Variants in SMC1B observed in about 807,000 individuals in gnomAD.
The protein encoded by SMC1B is structural maintenance of chromosomes 1B.
Under a neutral mutation model 157.9 loss-of-function variants are expected in SMC1B, and 60 were observed. The ratio of observed to expected loss-of-function variants is 0.38; its 90% CI spans 0.31 to 0.47. SMC1B has a LOEUF of 0.47. Among genes scored for constraint, SMC1B ranks in the 20% least tolerant of loss-of-function variants. The pLI is 0.99. For synonymous variants in SMC1B, 445 were observed against 483.0 expected (o/e 0.92, Z 1.03); for missense variants, 1,165 against 1,426.2 (o/e 0.82, Z 2.95).
intron 1 of SMC1B, among the ~76,000 whole-genome samples, chr22:45,412,696 C>T (rs1191927001): frequency 1.3e-5 from 2 of 151,946 alleles, no homozygotes; most frequent in East Asian, 1.9e-4. Flanking sequence ...TAGTAGAGAC[C>T]TCCGCAGGTC....
At chr22:45,371,608 T>C (rs551993537) in intron 13 of SMC1B, 21 bp from the exon 14 acceptor site, 3 of 1,570,264 alleles carry the variant, frequency 1.9e-6, no homozygotes, top group Non-Finnish European at 1.7e-6. Context: ...AAGAGAAAAA[T>C]TTTTTTAACA....
At chr22:45,413,009 G>A (rs2087365099) in intron 1 of SMC1B, among the ~76,000 whole-genome samples, 1 of 152,118 alleles carries the variant, frequency 6.6e-6, no homozygotes, top group Non-Finnish European at 1.5e-5. Flanking sequence ...CAGAGAACAG[G>A]GCCCAGGGCG....
chr22:45,344,568 T>C lies in SMC1B; in HGVS notation c.3696A>G (p.Gly1232=), dbSNP rs2086531575. 1 of 1,613,420 alleles carries C rather than the reference T, an allele frequency of 6.2e-7. No homozygotes were observed. Among genetic ancestry groups the C allele is most frequent in the Non-Finnish European group, 8.5e-7 (1 of 1,179,306 alleles). The stretch of plus-strand genomic sequence containing the variant: ...TGCAGGACTGCCCCTAGCGGGACTC[T>C]CCGTGTCTCTTGCTGCTTTCTTGGC... ...TEGQESSKRH[G]ESR The change falls in exon 25 of 25, where the codon GGA becomes GGG. Residue 1232 remains glycine (G), a synonymous_variant. Coordinates refer to ENST00000357450, the MANE Select transcript of SMC1B (RefSeq NM_148674.5).
intron 10 of SMC1B, among the ~76,000 whole-genome samples, chr22:45,388,229 T>C (rs931039682): frequency 6.6e-6 from 1 of 152,110 alleles, no homozygotes; most frequent in Non-Finnish European, 1.5e-5. Context: ...AGAAAACTCA[T>C]ATACAACTAA....
chr22:45,355,013 G>C lies in SMC1B; in HGVS notation c.3064C>G (p.Arg1022Gly), dbSNP rs370620450. Residue 1022 changes from arginine to glycine, a missense_variant, in exon 20 of 25, where the codon CGA becomes GGA. Coordinates refer to ENST00000357450, the MANE Select transcript of SMC1B (RefSeq NM_148674.5). ...ILLKTAAPNL[R>G]ALENLKTVRD... is the part of the protein sequence containing the mutation. ...ACAGTCTTTAAGTTCTCCAGTGCTC[G>C]TAGGTTTGGGGCTGCTGTTTTCAGT... The C allele has an allele frequency of 6.2e-7, 1 of 1,614,028 alleles. No homozygotes were observed. Among genetic ancestry groups the C allele is most frequent in the Non-Finnish European group, 8.5e-7 (1 of 1,180,022 alleles).
rs558825422 is a variant in SMC1B at position 45,344,646 on chromosome 22, G to A, written c.3618C>T (p.Cys1206=). 2.5e-6 allele frequency: 4 copies of A among 1,613,074 alleles called. No homozygotes were observed. In the African/African-American group the frequency reaches 4.0e-5, roughly 16 times the overall value. ...LIGIYPEYDD[C]MFSRVLTLDL... ...CTAGGGTCAAAACTCGGCTGAACAT[G>A]CAGTCATCGTACTAAAATGGAGAGA... Residue 1206 remains cysteine (C), a synonymous_variant, in exon 25 of 25, where the codon TGC becomes TGT. Coordinates refer to ENST00000357450, the MANE Select transcript of SMC1B (RefSeq NM_148674.5).
rs143591287 is a variant in SMC1B at position 45,391,950 on chromosome 22, C to T, written c.1545+1684G>A. Among the ~76,000 whole-genome samples the T allele has an allele frequency of 3.6e-3, 542 of 152,038 alleles. 5 individuals carry two copies. The highest frequency in any genetic ancestry group is 0.013 in the African/African-American group (520 of 41,470). ...ATGAGCTTCACATTCCCCAATTCAC[C>T]AGTGTTTTTTTGTTTTTGTTTTTTT... On this transcript the variant is annotated intron_variant, in intron 9 of 24. Transcript: ENST00000357450.
intron 12 of SMC1B, among the ~76,000 whole-genome samples, chr22:45,378,974 T>G (rs1369762860): frequency 2.0e-5 from 3 of 152,076 alleles, no homozygotes; most frequent in Non-Finnish European, 4.4e-5. Context: ...TTTTCAACAT[T>G]CAGGTTTTTT....
intron 21 of SMC1B, among the ~76,000 whole-genome samples, chr22:45,353,179 T>C (rs2086631266): frequency 6.6e-6 from 1 of 150,424 alleles, no homozygotes; most frequent in Non-Finnish European, 1.5e-5. Flanking sequence ...GCTGAGACAC[T>C]TGAACCCGGG....
In SMC1B at chr22:45,369,911, A is replaced by C. The variant is rs553120307; in HGVS notation, c.2420+43T>G. ...AAATTATGAAATAATAACTATTTTTATAAATATGTAAGCTCCTTACCAACA... is the reference window on the plus strand; with the variant it reads ...AAATTATGAAATAATAACTATTTTTCTAAATATGTAAGCTCCTTACCAACA... On this transcript the variant is annotated intron_variant, in intron 15 of 24. Coordinates refer to ENST00000357450, the MANE Select transcript of SMC1B (RefSeq NM_148674.5). 5 of 1,064,944 alleles carry C rather than the reference A, an allele frequency of 4.7e-6. No individual in the cohort carries two copies. In the South Asian group the frequency reaches 7.5e-5, roughly 16 times the overall value. 66.0% of individuals were successfully genotyped at this position (1,064,944 alleles called of 1,614,324 possible).
chr22:45,382,298 G>A (rs1410000014), intron 12 of SMC1B, among the ~76,000 whole-genome samples: 1 of 152,130 alleles, frequency 6.6e-6, no homozygotes, highest in Non-Finnish European at 1.5e-5. Context: ...AATTAAAAAG[G>A]AATAAACTTT....
At chr22:45,345,833 G>C (rs1036159465) in intron 23 of SMC1B, among the ~76,000 whole-genome samples, 8 of 152,146 alleles carry the variant, frequency 5.3e-5, no homozygotes, top group African/African-American at 1.9e-4. Context: ...ATGTGAATAG[G>C]TAACCAGCCT....
intron 15 of SMC1B, among the ~76,000 whole-genome samples, chr22:45,368,425 C>T (rs2086796033): frequency 6.6e-6 from 1 of 150,658 alleles, no homozygotes; most frequent in East Asian, 1.9e-4. Context: ...TTTACAGTTT[C>T]TTATTGTATG....
chr22:45,360,639 TA>T (rs1220927932), intron 17 of SMC1B, among the ~76,000 whole-genome samples: 174 of 143,538 alleles, frequency 1.2e-3, no homozygotes, highest in African/African-American at 2.0e-3. Flanking sequence ...CCTCATTTCT[TA>T]AAAAAAAAAA....
chr22:45,398,064 G>A (rs140809343), intron 6 of SMC1B, among the ~76,000 whole-genome samples: 3 of 152,250 alleles, frequency 2.0e-5, no homozygotes, highest in Non-Finnish European at 2.9e-5. Context: ...CAGAGCTGAG[G>A]GCCAGAGTGG....
At chr22:45,360,567 C>T (rs546700728) in intron 17 of SMC1B, among the ~76,000 whole-genome samples, 7 of 151,984 alleles carry the variant, frequency 4.6e-5, no homozygotes, top group Admixed American at 1.3e-4. Context: ...TAATCCAGCA[C>T]TTTGGAAGGC....
intron 23 of SMC1B, among the ~76,000 whole-genome samples, chr22:45,348,956 AG>A (rs1193191955): frequency 2.0e-5 from 3 of 151,498 alleles, no homozygotes; most frequent in African/African-American, 7.3e-5. Flanking sequence ...CACCCGCCTC[AG>A]CCTCCCGAAG....
At chr22:45,386,001 T>C (rs1291368387) in intron 11 of SMC1B, among the ~76,000 whole-genome samples, 1 of 152,072 alleles carries the variant, frequency 6.6e-6, no homozygotes, top group East Asian at 1.9e-4. Flanking sequence ...GGTAATAAAA[T>C]TACTACCAGT....
intron 22 of SMC1B, among the ~76,000 whole-genome samples, chr22:45,351,444 T>C (rs1273331891): frequency 1.6e-4 from 25 of 152,260 alleles, no homozygotes. Context: ...TGGCGGCCTA[T>C]TCCTTTTCCT....
Sources: allele counts gnomAD v4.1 joint callset (sites outside exome capture counted in the v4.1 genomes callset), GRCh38; gene constraint gnomAD v4.1.1; transcripts MANE v1.5; gene names NCBI Gene and HGNC (gene_info 2026-07-23, HGNC 2026-07-21).